CADM2: variants seen among roughly 807,000 people sequenced by gnomAD.
CADM2 encodes cell adhesion molecule 2, also known as immunoglobulin superfamily member 4D.
Under a neutral mutation model 49.8 loss-of-function variants are expected in CADM2, and 12 were observed. The observed-to-expected ratio is 0.24, with a 90% CI of 0.15 to 0.39. The LOEUF is 0.39. Among genes scored for constraint, CADM2 ranks in the 10% least tolerant of loss-of-function variants. The pLI, the probability that CADM2 is intolerant of heterozygous loss-of-function variation, is 1.00. For missense variants in CADM2, 378 were observed against 492.3 expected, an observed-to-expected ratio of 0.77 and a Z score of 2.20; for synonymous variants, 214 against 175.4, an observed-to-expected ratio of 1.22 and a Z score of -1.74.
intron 1 of CADM2, among the ~76,000 whole-genome samples, chr3:85,229,159 C>A (rs182759971): frequency 6.6e-6 from 1 of 152,156 alleles, no homozygotes; most frequent in Non-Finnish European, 1.5e-5. Context: ...GACCCTCCCC[C>A]AACCAAGCTC....
intron 6 of CADM2, among the ~76,000 whole-genome samples, chr3:85,923,811 G>A (rs1482222006): frequency 2.0e-5 from 3 of 152,142 alleles, no homozygotes; most frequent in Non-Finnish European, 2.9e-5. Context: ...ATCGGCAATT[G>A]AAGTGTGGGT....
At chr3:85,635,729 T>C (rs1351171853) in intron 1 of CADM2, among the ~76,000 whole-genome samples, 3 of 152,174 alleles carry the variant, frequency 2.0e-5, no homozygotes, top group East Asian at 1.9e-4. Context: ...CTAATTTATG[T>C]ATTTGTAATG....
At chr3:85,840,916 A>G (rs529645757) in intron 3 of CADM2, among the ~76,000 whole-genome samples, 1 of 151,924 alleles carries the variant, frequency 6.6e-6, no homozygotes, top group South Asian at 2.1e-4. Flanking sequence ...CAAAAAGAAA[A>G]CCCAAAAAAT....
At chr3:85,780,468 A>G (rs1559652031) in intron 2 of CADM2, among the ~76,000 whole-genome samples, 2 of 152,236 alleles carry the variant, frequency 1.3e-5, no homozygotes, top group Admixed American at 1.3e-4. Flanking sequence ...GTCATAAACA[A>G]TAAAACAAGA....
intron 1 of CADM2, among the ~76,000 whole-genome samples, chr3:85,218,344 A>G (rs2041976064): frequency 6.6e-6 from 1 of 152,304 alleles, no homozygotes; most frequent in East Asian, 1.9e-4. Flanking sequence ...ATGTGTAAGC[A>G]AAGACCAAGC....
intron 8 of CADM2, among the ~76,000 whole-genome samples, chr3:86,034,598 A>G (rs999983109): frequency 1.3e-5 from 2 of 152,054 alleles, no homozygotes; most frequent in African/African-American, 4.8e-5. Context: ...ATGGATTAAG[A>G]CAGCATCCGT....
chr3:85,948,231 A>G (rs1197084938), intron 7 of CADM2, among the ~76,000 whole-genome samples: 1 of 151,546 alleles, frequency 6.6e-6, no homozygotes, highest in African/African-American at 2.4e-5. Context: ...TAATCACTCA[A>G]CATTTTAAAA....
At chr3:85,120,334 T>C (rs146781209) in intron 1 of CADM2, among the ~76,000 whole-genome samples, 30 of 152,270 alleles carry the variant, frequency 2.0e-4, no homozygotes, top group African/African-American at 6.7e-4. Context: ...CACTACTGGG[T>C]ATATACCCAA....
chr3:85,546,121 T>G lies in CADM2; in HGVS notation c.62-180401T>G, dbSNP rs191955426. On this transcript the variant is annotated intron_variant, in intron 1 of 9. Transcript: ENST00000383699. The stretch of plus-strand genomic sequence containing the variant: ...TCCTAAATTTTACTTCTTTATTACC[T>G]TTATGCTCAAGTCCCTGAATATAGA... Among the ~76,000 whole-genome samples, 101 of 152,314 alleles carry G rather than the reference T, an allele frequency of 6.6e-4. 2 individuals are homozygous for G. Among genetic ancestry groups the G allele is most frequent in the Admixed American group, 6.5e-3 (100 of 15,302 alleles).
intron 8 of CADM2, chr3:86,012,512 C>G (rs765475025): frequency 1.6e-5 from 20 of 1,267,494 alleles, no homozygotes; most frequent in Non-Finnish European, 1.6e-5. Context: ...GCGGACTGCC[C>G]TGAGGAGGCC....
At chr3:85,638,931 T>TGAA (rs777127148) in intron 1 of CADM2, among the ~76,000 whole-genome samples, 10 of 152,076 alleles carry the variant, frequency 6.6e-5, no homozygotes, top group African/African-American at 1.9e-4. Flanking sequence ...TGTTTTGTTT[T>TGAA]GAAGAAGAAG....
At chr3:85,676,879 A>C in intron 1 of CADM2, among the ~76,000 whole-genome samples, 1 of 152,084 alleles carries the variant, frequency 6.6e-6, no homozygotes, top group East Asian at 1.9e-4. Context: ...CCCTTTTCAA[A>C]CATAGTTTCC....
rs935244450 is a variant in CADM2 at position 84,959,561 on chromosome 3, A to T, written c.-47A>T. On this transcript the variant is annotated 5_prime_UTR_variant, in exon 1 of 10. Transcript: ENST00000383699. ...GCACTCTCGTGCCCCGCTCACCAGC[A>T]TCTACTTGCCCCCTCGTTCCTTCCC... 6.6e-7 allele frequency: 1 copy of T among 1,515,610 alleles called. No homozygotes were observed. Among genetic ancestry groups the T allele is most frequent in the South Asian group, 1.2e-5 (1 of 83,614 alleles). The allele number at this position is 1,515,610 out of a possible 1,614,324, so 93.9% of individuals were successfully genotyped here.
At chr3:85,008,128 G>C (rs2033826463) in intron 1 of CADM2, among the ~76,000 whole-genome samples, 1 of 152,144 alleles carries the variant, frequency 6.6e-6, no homozygotes, top group Non-Finnish European at 1.5e-5. Flanking sequence ...TGAAAATTAT[G>C]TCTGCAGTTG....
chr3:85,153,422 C>T (rs993812593), intron 1 of CADM2, among the ~76,000 whole-genome samples: 1 of 152,204 alleles, frequency 6.6e-6, no homozygotes, highest in Non-Finnish European at 1.5e-5. Flanking sequence ...CTGCACCTGG[C>T]TCAGAGGGTC....
Position 86,023,447 on chromosome 3 carries a change from C to T in CADM2, c.971-42158C>T, listed in dbSNP as rs548412062. 3.3e-5 allele frequency among the ~76,000 whole-genome samples: 5 copies of T among 152,176 alleles called. No individual in the cohort carries two copies. In the East Asian group the frequency reaches 9.7e-4, roughly 29 times the overall value. On this transcript the variant is annotated intron_variant, in intron 8 of 9. Coordinates refer to ENST00000383699, the MANE Select transcript of CADM2 (RefSeq NM_001167675.2). ...GCCCATGGCTCACTGCAACCTCCAC[C>T]TCCCGGGTTCAAGCAATTTTCCTGT... is the stretch of plus-strand genomic sequence containing the variant.
In CADM2 at chr3:85,568,473, C is replaced by CTTTCTCTCTT. The variant is rs1553743643; in HGVS notation, c.62-158048_62-158047insTTCTCTCTTT. 1.2e-3 allele frequency among the ~76,000 whole-genome samples: 33 copies of CTTTCTCTCTT among 27,616 alleles called. 3 individuals are homozygous for CTTTCTCTCTT. The highest frequency in any genetic ancestry group is 2.5e-3 in the African/African-American group (33 of 12,948). The allele number at this position is 27,616 out of a possible 152,430, so 18.1% of individuals were successfully genotyped here. On this transcript the variant is annotated intron_variant, in intron 1 of 9. Transcript: ENST00000383699. ...TTTCTTTCTTTCTTTCTCTTTCTCT[C>CTTTCTCTCTT]TCTTTCTTTCTTTCTTTCTTTCTTT...
intron 1 of CADM2, among the ~76,000 whole-genome samples, chr3:85,464,019 T>C (rs2038376371): frequency 6.6e-6 from 1 of 152,170 alleles, no homozygotes; most frequent in Admixed American, 6.5e-5. Context: ...AAGTGATCAA[T>C]ATGTAATTCT....
chr3:85,069,394 A>C (rs566089477), intron 1 of CADM2, among the ~76,000 whole-genome samples: 1 of 152,132 alleles, frequency 6.6e-6, no homozygotes, highest in Non-Finnish European at 1.5e-5. Context: ...TTTTTGTCAA[A>C]AAGTACTTTT....
Sources: gnomAD v4.1 joint callset for allele counts (sites outside exome capture counted in the v4.1 genomes callset) on GRCh38, gnomAD v4.1.1 for gene constraint, MANE v1.5 for transcripts, NCBI Gene and HGNC (gene_info 2026-07-23, HGNC 2026-07-21) for gene names.